Variants in RECK observed in about 807,000 individuals in gnomAD.
RECK encodes the protein reversion inducing cysteine rich protein with kazal motifs, also known as reversion-inducing cysteine-rich protein with Kazal motifs.
RECK carries 69 observed loss-of-function variants against 115.1 expected under a neutral mutation model. The ratio of observed to expected loss-of-function variants is 0.60; its 90% CI spans 0.49 to 0.73. The LOEUF is 0.73. Among genes scored for constraint, RECK ranks in the 30% least tolerant of loss-of-function variants. RECK has a pLI of 0.00. For missense variants in RECK, 1,047 were observed against 1,203.7 expected, an observed-to-expected ratio of 0.87 and a Z score of 1.93; for synonymous variants, 414 against 419.7, an observed-to-expected ratio of 0.99 and a Z score of 0.17.
chr9:36,122,437 G>A (rs925818075), intron 20 of RECK, among the ~76,000 whole-genome samples: 1 of 152,208 alleles, frequency 6.6e-6, no homozygotes, highest in Non-Finnish European at 1.5e-5. Context: ...CAGTGGCATT[G>A]TGGATTATTT....
Position 36,067,027 on chromosome 9 carries a change from A to G in RECK, c.405+1403A>G, listed in dbSNP as rs968093877. Among the ~76,000 whole-genome samples, 8 of 152,156 alleles carry G rather than the reference A, an allele frequency of 5.3e-5. No individual in the cohort carries two copies. In the East Asian group the frequency reaches 9.6e-4, roughly 18 times the overall value. On this transcript the variant is annotated intron_variant, in intron 6 of 20. Transcript: ENST00000377966. Reference sequence around the variant, plus strand: ...TTTTATATTAAAAGTTGATCCCACAAATTCTTCAATATAAGACTCAATTTG... The same window carrying G: ...TTTTATATTAAAAGTTGATCCCACAGATTCTTCAATATAAGACTCAATTTG...
At chr9:36,050,399 C>CA (rs958060069) in intron 1 of RECK, among the ~76,000 whole-genome samples, 51 of 152,258 alleles carry the variant, frequency 3.3e-4, no homozygotes, top group African/African-American at 1.1e-3. Context: ...AATCCATTAG[C>CA]ATATCCTGTC....
At chr9:36,060,429 T>C (rs1290617356) in intron 4 of RECK, among the ~76,000 whole-genome samples, 4 of 152,124 alleles carry the variant, frequency 2.6e-5, no homozygotes, top group Admixed American at 6.6e-5. Flanking sequence ...AATTTTCAAA[T>C]ACATAATTTA....
intron 14 of RECK, among the ~76,000 whole-genome samples, chr9:36,108,865 G>GA (rs1823922039): frequency 1.3e-5 from 2 of 151,770 alleles, no homozygotes; most frequent in South Asian, 4.2e-4. Flanking sequence ...AAACAATTGT[G>GA]AAAAAACACC....
chr9:36,067,506 T>C (rs913963370), intron 6 of RECK, among the ~76,000 whole-genome samples: 7 of 152,176 alleles, frequency 4.6e-5, no homozygotes, highest in Non-Finnish European at 1.0e-4. Flanking sequence ...TGCTAAGAAA[T>C]TTACTTAAAG....
chr9:36,039,184 T>G (rs1165613603), intron 1 of RECK, among the ~76,000 whole-genome samples: 2 of 152,142 alleles, frequency 1.3e-5, no homozygotes, highest in Non-Finnish European at 2.9e-5. Context: ...AAATTCCAAG[T>G]TTGATCTAAA....
intron 12 of RECK, among the ~76,000 whole-genome samples, chr9:36,103,026 C>T (rs1383197340): frequency 1.3e-5 from 2 of 151,878 alleles, no homozygotes; most frequent in African/African-American, 4.8e-5. Context: ...TTCAGTTTTT[C>T]TCTGCCAAAT....
In RECK at chr9:36,123,888, A is replaced by G. The variant is rs1824548283; in HGVS notation, c.*843A>G. 6.5e-6 allele frequency: 1 copy of G among 152,674 alleles called. No individual in the cohort carries two copies. Among genetic ancestry groups the G allele is most frequent in the African/African-American group, 2.4e-5 (1 of 41,472 alleles). 9.5% of individuals were successfully genotyped at this position (152,674 alleles called of 1,614,324 possible). A position where few individuals can be genotyped will look rare whatever the true frequency, so the allele number is the denominator to read the frequency against. ...ACTTATATAATTGCCAAAAAGTGAA[A>G]TAATGTGTAGTTCATGTAAATAATA... On this transcript the variant is annotated 3_prime_UTR_variant, in exon 21 of 21. Coordinates refer to ENST00000377966, the MANE Select transcript of RECK (RefSeq NM_021111.3).
At chr9:36,116,125 C>CTTTTTT (rs11313050) in intron 16 of RECK, among the ~76,000 whole-genome samples, 1 of 124,462 alleles carries the variant, frequency 8.0e-6, no homozygotes, top group Admixed American at 8.3e-5. Flanking sequence ...AGAGTGAGGC[C>CTTTTTT]TTTTTTTTTT....
Position 36,087,898 on chromosome 9 carries a change from C to T in RECK, c.842C>T (p.Pro281Leu). 6.2e-7 allele frequency: 1 copy of T among 1,613,194 alleles called. No homozygotes were observed. Among genetic ancestry groups the T allele is most frequent in the Non-Finnish European group, 8.5e-7 (1 of 1,179,214 alleles). The change falls in exon 9 of 21, where the codon CCC (proline) becomes CTC (leucine). Residue 281 changes from proline to leucine, a missense_variant. Transcript: ENST00000377966. ...CCTGGAGTCACTGTACACCCTCCTC[C>T]CTCTACAGGCCTCGATGGGGCTAAA... Reference protein sequence around the residue: ...VHPGVTVHPPPSTGLDGAKLH... With the variant: ...VHPGVTVHPPLSTGLDGAKLH...
intron 2 of RECK, among the ~76,000 whole-genome samples, chr9:36,057,586 G>A (rs901235562): frequency 3.9e-5 from 6 of 152,240 alleles, no homozygotes; most frequent in African/African-American, 1.4e-4. Context: ...GGGAGGCTGA[G>A]GCGGGCGGAT....
chr9:36,072,359 T>C (rs1423342115), intron 6 of RECK, among the ~76,000 whole-genome samples: 2 of 152,220 alleles, frequency 1.3e-5, no homozygotes, highest in Non-Finnish European at 2.9e-5. Flanking sequence ...CAGGATTCTC[T>C]GGACAGCTAG....
chr9:36,043,049 G>A (rs531761938), intron 1 of RECK, among the ~76,000 whole-genome samples: 3 of 101,998 alleles, frequency 2.9e-5, no homozygotes, highest in African/African-American at 3.9e-5. Flanking sequence ...TTGTTGAGAC[G>A]GAGTCTCGCT....
chr9:36,101,155 G>A (rs1823553042), intron 11 of RECK, among the ~76,000 whole-genome samples: 1 of 152,088 alleles, frequency 6.6e-6, no homozygotes. Flanking sequence ...GTTTTACCAT[G>A]TTGGCCAGGA....
Position 36,108,105 on chromosome 9 carries a change from G to C in RECK, c.1706G>C (p.Cys569Ser). The C allele has an allele frequency of 6.2e-7, 1 of 1,614,050 alleles. No homozygotes were observed. Among genetic ancestry groups the C allele is most frequent in the Non-Finnish European group, 8.5e-7 (1 of 1,179,966 alleles). Residue 569 changes from cysteine (C) to serine (S), a missense_variant, in exon 14 of 21, where the codon TGT becomes TCT. By Grantham distance (112) the Cys-to-Ser change is moderately radical. Coordinates refer to ENST00000377966, the MANE Select transcript of RECK (RefSeq NM_021111.3). ...GGACAAAGTGGACTCTTAGAAAACT[G>C]TATGGAAATGCACTGTATAGACCTC... is the stretch of plus-strand genomic sequence containing the variant. ...SCGQSGLLEN[C>S]MEMHCIDLQK...
Position 36,107,994 on chromosome 9 carries a change from C to T in RECK, c.1595C>T (p.Ala532Val), listed in dbSNP as rs1410528369. Residue 532 changes from alanine (A) to valine (V), a missense_variant, in exon 14 of 21, where the codon GCT (alanine) becomes GTT (valine). Ala to Val is a moderately conservative substitution (Grantham distance 64, BLOSUM62 0). Transcript: ENST00000377966. ...FCVQGCKLGE[A>V]SDFIVRQGTL... ...TGTACAGGTTGCAAACTGGGAGAAG[C>T]TTCTGATTTCATTGTCCGTCAAGGG... is the stretch of plus-strand genomic sequence containing the variant. The T allele has an allele frequency of 1.2e-6, 2 of 1,612,224 alleles. No homozygotes were observed. Among genetic ancestry groups the T allele is most frequent in the South Asian group, 2.2e-5 (2 of 90,752 alleles).
At chr9:36,084,516 G>T (rs1158507337) in intron 8 of RECK, among the ~76,000 whole-genome samples, 1 of 151,904 alleles carries the variant, frequency 6.6e-6, no homozygotes, top group Non-Finnish European at 1.5e-5. Context: ...CCAACATGTT[G>T]AAACCCTGTC....
Position 36,073,953 on chromosome 9 carries a change from CTTAAA to C in RECK, c.406-6651_406-6647del, listed in dbSNP as rs1822344557. ...AGGGATTTTGCAAGCCAGCTTGTAA[CTTAAA>C]ATCAGCCATGGGTGGAGGTATTTGC... is the stretch of plus-strand genomic sequence containing the variant. On this transcript the variant is annotated intron_variant, in intron 6 of 20. Transcript: ENST00000377966. Among the ~76,000 whole-genome samples, 6 of 152,242 alleles carry C rather than the reference CTTAAA, an allele frequency of 3.9e-5. No homozygotes were observed. The South Asian group carries it at 1.2e-3, about 32-fold the overall frequency.
chr9:36,040,386 T>G lies in RECK; in HGVS notation c.100+3288T>G, dbSNP rs949129470. On this transcript the variant is annotated intron_variant, in intron 1 of 20. Transcript: ENST00000377966. The stretch of plus-strand genomic sequence containing the variant: ...GCTGAGAAGGTGGTGGGTAGTCTTA[T>G]GAAAGACAGGGGTGAGGTCCAGGAA... 2.0e-4 allele frequency among the ~76,000 whole-genome samples: 31 copies of G among 152,156 alleles called. 2 individuals carry two copies. Among genetic ancestry groups the G allele is most frequent in the Admixed American group, 9.8e-4 (15 of 15,272 alleles).
Sources: gnomAD v4.1 joint callset for allele counts (sites outside exome capture counted in the v4.1 genomes callset) on GRCh38, gnomAD v4.1.1 for gene constraint, MANE v1.5 for transcripts, NCBI Gene and HGNC (gene_info 2026-07-23, HGNC 2026-07-21) for gene names.